Variants in AFF2 observed in about 807,000 individuals in gnomAD.
AFF2 encodes the protein AF4/FMR2 family member 2.
AFF2 carries 14 observed loss-of-function variants against 76.9 expected under a neutral mutation model. That is an observed-to-expected ratio of 0.18 (90% CI 0.12 to 0.28). The LOEUF is 0.28. AFF2 is among the 10% of genes least tolerant of loss of function. The pLI, the probability that AFF2 is intolerant of heterozygous loss-of-function variation, is 1.00. For synonymous variants in AFF2, 398 were observed against 366.7 expected, an observed-to-expected ratio of 1.09 and a Z score of -0.98; for missense variants, 868 against 1,001.1, an observed-to-expected ratio of 0.87 and a Z score of 1.79.
chrX:148,882,079 T>A (rs1361619227), intron 7 of AFF2, among the ~76,000 whole-genome samples: 2 of 111,625 alleles, frequency 1.8e-5, no homozygotes, highest in African/African-American at 3.3e-5. Context: ...AGCCCTCTAT[T>A]TTTCCCTCTT....
At chrX:148,611,072 G>A (rs781819799) in intron 1 of AFF2, among the ~76,000 whole-genome samples, 1 of 111,804 alleles carries the variant, frequency 8.9e-6, no homozygotes, top group South Asian at 3.7e-4. Context: ...TCCTAGCAGA[G>A]ACATGAAAAA....
chrX:148,853,284 C>T (rs888616870), intron 7 of AFF2, among the ~76,000 whole-genome samples: 2 of 111,168 alleles, frequency 1.8e-5, no homozygotes, highest in South Asian at 7.7e-4. Context: ...GGTCTTCACT[C>T]AATTTCTGGA....
intron 1 of AFF2, among the ~76,000 whole-genome samples, chrX:148,530,401 G>T (rs782043513): frequency 1.8e-5 from 2 of 111,891 alleles, no homozygotes; most frequent in South Asian, 7.5e-4. Context: ...AAATGTCCAG[G>T]AATCTTCCAT....
chrX:148,833,977 T>C (rs1557273554), intron 4 of AFF2, among the ~76,000 whole-genome samples: 2 of 112,188 alleles, frequency 1.8e-5, no homozygotes, highest in Non-Finnish European at 3.8e-5. Flanking sequence ...CATACCCAGC[T>C]TTCGTGTCTA....
intron 1 of AFF2, among the ~76,000 whole-genome samples, chrX:148,514,836 C>T: frequency 8.9e-6 from 1 of 112,267 alleles, no homozygotes; most frequent in Non-Finnish European, 1.9e-5. Context: ...ATGATGTGGG[C>T]ATCATGGTCT....
chrX:148,971,114 G>A (rs1474451434), intron 15 of AFF2, among the ~76,000 whole-genome samples: 17 of 107,765 alleles, frequency 1.6e-4, no homozygotes, highest in Non-Finnish European at 2.1e-4. Flanking sequence ...ACCTTAAGCC[G>A]GTAACTTCAT....
At chrX:148,799,630 G>C (rs1557270777) in intron 3 of AFF2, among the ~76,000 whole-genome samples, 1 of 112,202 alleles carries the variant, frequency 8.9e-6, no homozygotes, top group East Asian at 2.8e-4. Context: ...TTTGAATGGA[G>C]GGTTTGTCAA....
intron 3 of AFF2, among the ~76,000 whole-genome samples, chrX:148,798,244 C>T (rs1557270689): frequency 9.0e-6 from 1 of 111,535 alleles, no homozygotes; most frequent in East Asian, 2.8e-4. Flanking sequence ...AACCCACTCC[C>T]ATGATAATGA....
intron 1 of AFF2, among the ~76,000 whole-genome samples, chrX:148,513,704 T>G (rs1323266970): frequency 9.0e-6 from 1 of 111,607 alleles, no homozygotes; most frequent in African/African-American, 3.3e-5. Context: ...AACATAATCA[T>G]AAAAATTCAA....
intron 3 of AFF2, among the ~76,000 whole-genome samples, chrX:148,740,652 T>A (rs966635662): frequency 1.5e-4 from 17 of 112,061 alleles, no homozygotes; most frequent in Admixed American, 3.8e-4. Flanking sequence ...TTCAGGTAAA[T>A]CAGGTGCGTA....
intron 1 of AFF2, among the ~76,000 whole-genome samples, chrX:148,507,138 T>C (rs2052429044): frequency 1.8e-5 from 2 of 112,420 alleles, no homozygotes; most frequent in Admixed American, 9.4e-5. Flanking sequence ...CTTTCAAGGA[T>C]AGTTACTTAC....
Position 148,837,657 on chromosome X carries a change from A to G in AFF2, c.1097A>G (p.His366Arg), listed in dbSNP as rs199574795. 577 of 1,178,943 alleles carry G rather than the reference A, an allele frequency of 4.9e-4. No homozygotes were observed. The highest frequency in any genetic ancestry group is 6.0e-4 in the Non-Finnish European group (522 of 867,470). Residue 366 changes from histidine (H) to arginine (R), a missense_variant, in exon 5 of 21, where the codon CAT becomes CGT. His to Arg is a conservative substitution (Grantham distance 29, BLOSUM62 0). Coordinates refer to ENST00000370460, the MANE Select transcript of AFF2 (RefSeq NM_002025.4). The part of the protein sequence containing the change: ...CVEEILREMT[H>R]SWPTPLTSMH... ...ATTTTTCCTCATTAGGAGATGACCC[A>G]TTCCTGGCCTACTCCTCTCACTTCC... is the stretch of plus-strand genomic sequence containing the variant.
chrX:148,632,562 C>T (rs2053990697), intron 1 of AFF2, among the ~76,000 whole-genome samples: 1 of 111,270 alleles, frequency 9.0e-6, no homozygotes, highest in Non-Finnish European at 1.9e-5. Context: ...GTGCTTTGTA[C>T]TCTCGCCGAT....
intron 3 of AFF2, among the ~76,000 whole-genome samples, chrX:148,665,430 A>G (rs2054348493): frequency 8.9e-6 from 1 of 111,846 alleles, no homozygotes; most frequent in Non-Finnish European, 1.9e-5. Flanking sequence ...GAGATCAGTG[A>G]AGAAAGTACT....
intron 2 of AFF2, among the ~76,000 whole-genome samples, chrX:148,654,412 G>C (rs188433130): frequency 1.8e-5 from 2 of 111,353 alleles, no homozygotes; most frequent in Non-Finnish European, 3.8e-5. Flanking sequence ...AAGCGAGACA[G>C]TCAATGTAGA....
At position 148,749,184 on chromosome X, in the gene AFF2, T is replaced by A. The variant is rs149146860; in HGVS notation, c.1042-60692T>A. Among the ~76,000 whole-genome samples the A allele has an allele frequency of 4.6e-3, 517 of 112,158 alleles. 5 individuals are homozygous for A. The highest frequency in any genetic ancestry group is 0.016 in the African/African-American group (492 of 30,888). On this transcript the variant is annotated intron_variant, in intron 3 of 20. Transcript: ENST00000370460. ...TAGCTTCTATGTTGGCTTTCCATGT[T>A]TGAATACACACAATATCATCATTTT...
chrX:148,574,813 A>G (rs782095376), intron 1 of AFF2, among the ~76,000 whole-genome samples: 1 of 111,773 alleles, frequency 8.9e-6, no homozygotes, highest in Admixed American at 9.6e-5. Context: ...AGAAAAAGCT[A>G]AGAAGTACAC....
At chrX:148,858,123 G>A (rs552485361) in intron 7 of AFF2, among the ~76,000 whole-genome samples, 13 of 111,279 alleles carry the variant, frequency 1.2e-4, no homozygotes, top group Admixed American at 8.6e-4. Context: ...TCAAAGCAAC[G>A]TTTCTTATAA....
At chrX:148,852,010 G>T (rs1311832916) in intron 7 of AFF2, among the ~76,000 whole-genome samples, 2 of 110,640 alleles carry the variant, frequency 1.8e-5, no homozygotes, top group Non-Finnish European at 3.8e-5. Flanking sequence ...GTTTGCTAAG[G>T]ATAATAGCCT....
Sources: gnomAD v4.1 joint callset for allele counts (sites outside exome capture counted in the v4.1 genomes callset) on GRCh38, gnomAD v4.1.1 for gene constraint, MANE v1.5 for transcripts, NCBI Gene and HGNC (gene_info 2026-07-23, HGNC 2026-07-21) for gene names.